The following PCDH15 variants were observed in gnomAD, a reference collection of about 807,000 sequenced individuals.
The protein encoded by PCDH15 is protocadherin-15.
In PCDH15, 129 loss-of-function variants were observed where a neutral mutation model predicts 178.5. The ratio of observed to expected loss-of-function variants is 0.72; its 90% CI spans 0.63 to 0.84. The LOEUF is 0.84. Among genes scored for constraint, PCDH15 ranks in the 40% least tolerant of loss-of-function variants. PCDH15 has a pLI of 0.00. For missense variants in PCDH15, 2,230 were observed against 2,099.9 expected (o/e 1.06, Z -1.21); for synonymous variants, 800 against 732.0 (o/e 1.09, Z -1.50).
chr10:54,418,315 A>T (rs1414788112), intron 3 of PCDH15, among the ~76,000 whole-genome samples: 3 of 152,174 alleles, frequency 2.0e-5, no homozygotes, highest in African/African-American at 4.8e-5. Context: ...GTGTATACAT[A>T]ATTTAAAAAT....
At chr10:54,442,402 A>G (rs1355588512) in intron 3 of PCDH15, among the ~76,000 whole-genome samples, 3 of 87,210 alleles carry the variant, frequency 3.4e-5, no homozygotes, top group Non-Finnish European at 7.1e-5. Flanking sequence ...AAAAAAAAAA[A>G]GGCCTTAAAG....
chr10:55,599,416 G>C (rs547029826), intron 2 of PCDH15: 1 of 152,218 alleles, frequency 6.6e-6, no homozygotes. Flanking sequence ...GTCCTATAGA[G>C]AGTAAAAGAT....
chr10:54,121,070 AAAAAG>A (rs2095211257), intron 15 of PCDH15, among the ~76,000 whole-genome samples: 1 of 138,482 alleles, frequency 7.2e-6, no homozygotes. Flanking sequence ...ATGAAAAAAA[AAAAAG>A]AAATCACAGC....
chr10:55,560,581 G>T (rs1842177851), intron 2 of PCDH15, among the ~76,000 whole-genome samples: 1 of 151,840 alleles, frequency 6.6e-6, no homozygotes, highest in East Asian at 1.9e-4. Context: ...TAAGCATTTT[G>T]AAAGCACTAA....
chr10:55,464,684 G>GTA (rs1225635175), intron 2 of PCDH15, among the ~76,000 whole-genome samples: 5 of 144,318 alleles, frequency 3.5e-5, no homozygotes, highest in Non-Finnish European at 6.1e-5. Flanking sequence ...ATATACATAT[G>GTA]TATATATATG....
At chr10:53,901,549 C>A (rs1406932889) in intron 26 of PCDH15, among the ~76,000 whole-genome samples, 1 of 152,098 alleles carries the variant, frequency 6.6e-6, no homozygotes, top group African/African-American at 2.4e-5. Flanking sequence ...TCCCAACATC[C>A]CCCATGCAGC....
At chr10:54,379,463 A>G (rs1948904668) in intron 3 of PCDH15, among the ~76,000 whole-genome samples, 1 of 152,148 alleles carries the variant, frequency 6.6e-6, no homozygotes, top group African/African-American at 2.4e-5. Context: ...TTGACATGAA[A>G]GACAAAACTA....
chr10:55,401,388 T>C (rs1838059795), intron 2 of PCDH15, among the ~76,000 whole-genome samples: 1 of 152,022 alleles, frequency 6.6e-6, no homozygotes, highest in South Asian at 2.1e-4. Context: ...TTCGTAGTCA[T>C]ATGGGAGGAA....
intron 3 of PCDH15, among the ~76,000 whole-genome samples, chr10:54,834,271 C>A (rs1030996758): frequency 6.6e-6 from 1 of 151,398 alleles, no homozygotes; most frequent in African/African-American, 2.4e-5. Flanking sequence ...CTCACTGCAA[C>A]CTCCGCCTCC....
intron 3 of PCDH15, among the ~76,000 whole-genome samples, chr10:54,895,646 T>C (rs1346881950): frequency 6.6e-6 from 1 of 152,156 alleles, no homozygotes; most frequent in Non-Finnish European, 1.5e-5. Context: ...AGAAATTTCC[T>C]CTGCAAAACA....
intron 18 of PCDH15, among the ~76,000 whole-genome samples, chr10:54,030,547 G>A (rs777136329): frequency 6.6e-6 from 1 of 151,730 alleles, no homozygotes; most frequent in Non-Finnish European, 1.5e-5. Flanking sequence ...AAGATAACTT[G>A]CATAACTTGA....
At chr10:54,082,562 A>G (rs2094450599) in intron 16 of PCDH15, among the ~76,000 whole-genome samples, 1 of 152,162 alleles carries the variant, frequency 6.6e-6, no homozygotes, top group South Asian at 2.1e-4. Context: ...AAGTTAGACT[A>G]CTTCACTTCA....
At chr10:54,117,797 C>T (rs1361117286) in intron 15 of PCDH15, among the ~76,000 whole-genome samples, 1 of 152,028 alleles carries the variant, frequency 6.6e-6, no homozygotes, top group Non-Finnish European at 1.5e-5. Flanking sequence ...GGAGAGGAGA[C>T]CCAGGGTGGG....
At chr10:55,156,704 G>C (rs1838900276) in intron 2 of PCDH15, among the ~76,000 whole-genome samples, 1 of 152,032 alleles carries the variant, frequency 6.6e-6, no homozygotes, top group African/African-American at 2.4e-5. Flanking sequence ...TGTGATTATG[G>C]GTAAGATGAT....
At chr10:54,563,267 G>C (rs1187853906) in intron 2 of PCDH15, among the ~76,000 whole-genome samples, 1 of 110,968 alleles carries the variant, frequency 9.0e-6, no homozygotes, top group East Asian at 3.3e-4. Context: ...AGCTAAGACT[G>C]AGTCTACTGT....
At chr10:54,062,227 C>CAAAAAAAAAAAAAAAAAAAAAAA (rs72361686) in intron 18 of PCDH15, among the ~76,000 whole-genome samples, 15 of 53,828 alleles carry the variant, frequency 2.8e-4, no homozygotes, top group African/African-American at 3.8e-4. Flanking sequence ...GATTCTGTCT[C>CAAAAAAAAAAAAAAAAAAAAAAA]AAAAAAAAAA....
At chr10:55,537,728 C>T (rs1039364621) in intron 2 of PCDH15, among the ~76,000 whole-genome samples, 3 of 152,058 alleles carry the variant, frequency 2.0e-5, no homozygotes, top group Non-Finnish European at 2.9e-5. Context: ...CCACCATGCC[C>T]GGCCACACCT....
rs1260081008 is a variant in PCDH15 at position 54,242,146 on chromosome 10, A to T, written c.877-5215T>A. ...ATTCTATTTTTATATATATATATATATATATATATATATATATATATATAT... is the reference window on the plus strand; with the variant it reads ...ATTCTATTTTTATATATATATATATTTATATATATATATATATATATATAT... On this transcript the variant is annotated intron_variant, in intron 8 of 37. Transcript: ENST00000644397. Among the ~76,000 whole-genome samples the T allele has an allele frequency of 1.1e-4, 7 of 65,132 alleles. 1 individual carries two copies. Among genetic ancestry groups the T allele is most frequent in the African/African-American group, 5.9e-4 (7 of 11,916 alleles). 42.7% of individuals were successfully genotyped at this position (65,132 alleles called of 152,430 possible). A position where few individuals can be genotyped will look rare whatever the true frequency, so the allele number is the denominator to read the frequency against.
At chr10:54,891,697 G>A (rs1954465098) in intron 3 of PCDH15, among the ~76,000 whole-genome samples, 2 of 152,120 alleles carry the variant, frequency 1.3e-5, no homozygotes, top group Non-Finnish European at 2.9e-5. Flanking sequence ...AGCTTTATTA[G>A]CAGTCATTAG....
Sources: allele counts gnomAD v4.1 joint callset (sites outside exome capture counted in the v4.1 genomes callset), GRCh38; gene constraint gnomAD v4.1.1; transcripts MANE v1.5; gene names NCBI Gene and HGNC (gene_info 2026-07-23, HGNC 2026-07-21).